The following ABCD4 variants were observed in gnomAD, a reference collection of about 807,000 sequenced individuals.
The protein encoded by ABCD4 is lysosomal cobalamin transporter ABCD4.
A neutral mutation model predicts 86.3 loss-of-function variants in ABCD4; 53 were observed. The ratio of observed to expected loss-of-function variants is 0.61; its 90% CI spans 0.49 to 0.77. The LOEUF (loss-of-function observed/expected upper bound fraction) is 0.77, where lower values mean the gene tolerates loss of function less well. ABCD4 is among the 30% of genes least tolerant of loss of function. ABCD4 has a pLI of 0.00. For synonymous variants in ABCD4, 328 were observed against 313.6 expected (o/e 1.05, Z -0.49); for missense variants, 757 against 764.5 (o/e 0.99, Z 0.12).
chr14:74,288,513 G>A, intron 15 of ABCD4: 3 of 672,464 alleles, frequency 4.5e-6, no homozygotes, highest in South Asian at 1.9e-5. Flanking sequence ...TCCTATTCTT[G>A]TTTTAAAATT....
intron 7 of ABCD4, chr14:74,294,211 C>T (rs1269437923): frequency 6.7e-6 from 1 of 150,032 alleles, no homozygotes; most frequent in Non-Finnish European, 1.5e-5. Flanking sequence ...CGCCACCATG[C>T]TCAGCTAATT....
At position 74,287,829 on chromosome 14, in the gene ABCD4, G is replaced by A; in HGVS notation, c.1617C>T (p.Tyr539=). Residue 539 remains tyrosine (Y), a synonymous_variant, in exon 17 of 19, where the codon TAC becomes TAT. Transcript: ENST00000356924. ...MQRLSFARLF[Y]LQPKYAVLDE... is the part of the protein sequence containing the mutation. Reference sequence around the variant, plus strand: ...CCTCACCTGCGTACTTCGGCTGCAGGTAGAAGAGTCGGGCAAAGGAGAGCC... The same window carrying A: ...CCTCACCTGCGTACTTCGGCTGCAGATAGAAGAGTCGGGCAAAGGAGAGCC... 1.9e-6 allele frequency: 3 copies of A among 1,612,878 alleles called. No homozygotes were observed. Among genetic ancestry groups the A allele is most frequent in the Non-Finnish European group, 2.5e-6 (3 of 1,179,442 alleles).
intron 7 of ABCD4, chr14:74,294,924 G>C: frequency 1.7e-6 from 1 of 585,970 alleles, no homozygotes; most frequent in Non-Finnish European, 3.0e-6. Flanking sequence ...AGGCCACTAA[G>C]ACTAAAGCTG....
intron 13 of ABCD4, 34 bp downstream of exon 13, chr14:74,289,993 G>C: frequency 1.2e-6 from 2 of 1,613,816 alleles, no homozygotes; most frequent in Non-Finnish European, 1.7e-6. Context: ...GCGGGGTTGA[G>C]GAGGGAGGAG....
intron 5 of ABCD4, 150 bp from the exon 6 acceptor site, chr14:74,296,129 G>A: frequency 8.1e-7 from 1 of 1,231,916 alleles, no homozygotes; most frequent in Non-Finnish European, 1.1e-6. Flanking sequence ...GGGGCATCTG[G>A]TATGAGCTCT....
intron 7 of ABCD4, 147 bp downstream of exon 7, chr14:74,295,001 A>AG (rs1281380104): frequency 1.1e-6 from 1 of 913,796 alleles, no homozygotes. Context: ...AGGCAAGGGC[A>AG]GGGGGAGGTA....
At position 74,290,284 on chromosome 14, in the gene ABCD4, C is replaced by T. The variant is rs2081132167; in HGVS notation, c.1327+7G>A. On this transcript the variant is annotated splice_region_variant and intron_variant, in intron 12 of 18. Coordinates refer to ENST00000356924, the MANE Select transcript of ABCD4 (RefSeq NM_005050.4). ...TGGGTCAGAGGCAGGGAGGGCCTGG[C>T]TCTCACCCCGTGTACTCGTCCAGAG... is the stretch of plus-strand genomic sequence containing the variant. The T allele has an allele frequency of 2.5e-6, 4 of 1,614,168 alleles. No homozygotes were observed. The highest frequency in any genetic ancestry group is 1.1e-5 in the South Asian group (1 of 91,080).
chr14:74,287,566 A>AAAAAAAAAG (rs1555392703), intron 17 of ABCD4, among the ~76,000 whole-genome samples: 1 of 148,222 alleles, frequency 6.7e-6, no homozygotes, highest in Non-Finnish European at 1.5e-5. Context: ...AAAAAAAAAA[A>AAAAAAAAAG]AAAAGAAAAG....
rs1280381035 is a variant in ABCD4 at position 74,286,255 on chromosome 14, T to C, written c.*206A>G. On this transcript the variant is annotated 3_prime_UTR_variant, in exon 19 of 19. Coordinates refer to ENST00000356924, the MANE Select transcript of ABCD4 (RefSeq NM_005050.4). ...CTGAGGCAGCAGAGTCCTGGGAGAC[T>C]GAACACTGGGAGATTCAGTGTCCCC... 2 of 576,420 alleles carry C rather than the reference T, an allele frequency of 3.5e-6. No individual in the cohort carries two copies. Among genetic ancestry groups the C allele is most frequent in the East Asian group, 5.8e-5 (2 of 34,230 alleles). The allele number at this position is 576,420 out of a possible 1,614,324, so 35.7% of individuals were successfully genotyped here.
intron 8 of ABCD4, 136 bp downstream of exon 8, chr14:74,293,018 G>GC (rs71449186): frequency 2.1e-5 from 31 of 1,452,238 alleles, no homozygotes; most frequent in South Asian, 3.8e-5. Flanking sequence ...AAAGGCAACA[G>GC]CCCCCCCTCC....
intron 5 of ABCD4, 94 bp from the exon 6 acceptor site, chr14:74,296,073 C>T: frequency 6.7e-7 from 1 of 1,491,988 alleles, no homozygotes; most frequent in Non-Finnish European, 9.0e-7. Flanking sequence ...TCTCAGGTAG[C>T]CCCTGTCCAA....
intron 4 of ABCD4, 176 bp downstream of exon 4, chr14:74,297,754 G>C (rs1450648054): frequency 7.4e-7 from 1 of 1,353,682 alleles, no homozygotes; most frequent in Non-Finnish European, 9.5e-7. Context: ...CCTATTCACA[G>C]CCCTGCAGCT....
rs1274626466 is a variant in ABCD4, at chr14:74,290,540, G to T, written c.1119-41C>A. Reference sequence around the variant, plus strand: ...GAGGGGGCGTGAGGAAGATGGGCAGGGTCAGTATTGCTGTGGGGGAGGCAC... The same window carrying T: ...GAGGGGGCGTGAGGAAGATGGGCAGTGTCAGTATTGCTGTGGGGGAGGCAC... On this transcript the variant is annotated intron_variant, in intron 11 of 18. Coordinates refer to ENST00000356924, the MANE Select transcript of ABCD4 (RefSeq NM_005050.4). 12 of 1,536,980 alleles carry T rather than the reference G, an allele frequency of 7.8e-6. No homozygotes were observed. The Admixed American group carries it at 1.8e-4, about 24-fold the overall frequency.
chr14:74,293,118 C>T (rs764444505), intron 8 of ABCD4, 36 bp downstream of exon 8: 2 of 1,600,682 alleles, frequency 1.2e-6, no homozygotes, highest in Non-Finnish European at 1.7e-6. Flanking sequence ...CCAGTCCAAC[C>T]CCATGGTTCC....
At chr14:74,297,839 C>T in intron 4 of ABCD4, 91 bp downstream of exon 4, 1 of 1,495,452 alleles carries the variant, frequency 6.7e-7, no homozygotes, top group Non-Finnish European at 8.9e-7. Context: ...TGCAGATGAT[C>T]TCCTTGGTGT....
chr14:74,291,377 A>G (rs550353130), intron 11 of ABCD4, among the ~76,000 whole-genome samples: 2 of 152,316 alleles, frequency 1.3e-5, no homozygotes, highest in South Asian at 4.2e-4. Flanking sequence ...ATCATCACAG[A>G]TGAGGACACT....
intron 11 of ABCD4, among the ~76,000 whole-genome samples, chr14:74,291,001 T>C (rs909700111): frequency 6.6e-6 from 1 of 152,094 alleles, no homozygotes; most frequent in African/African-American, 2.4e-5. Context: ...GAGATGATGT[T>C]AACATGAAGT....
chr14:74,290,310 G>A lies in ABCD4; in HGVS notation c.1308C>T (p.Gly436=), dbSNP rs2081142934. The change falls in exon 12 of 19, where the codon GGC becomes GGT. Residue 436 remains glycine, a synonymous_variant. Transcript: ENST00000356924. ...GKTSLLRVLG[G]LWTSTRGSVQ... ...TCTCACCCCGTGTACTCGTCCAGAGGCCACCCAGAACCCGGAGCAAGGAGG... is the reference window on the plus strand; with the variant it reads ...TCTCACCCCGTGTACTCGTCCAGAGACCACCCAGAACCCGGAGCAAGGAGG... 2 of 1,614,220 alleles carry A rather than the reference G, an allele frequency of 1.2e-6. No homozygotes were observed. The highest frequency in any genetic ancestry group is 1.7e-6 in the Non-Finnish European group (2 of 1,180,042).
At position 74,290,360 on chromosome 14, in the gene ABCD4, T is replaced by C; in HGVS notation, c.1258A>G (p.Thr420Ala). The change falls in exon 12 of 19, where the codon ACA (threonine) becomes GCA (alanine). Residue 420 changes from threonine (T) to alanine (A), a missense_variant. Transcript: ENST00000356924. ...GTCTTGCCAGTGCCCGTGTTGCCTG[T>C]GATGAGCAGGCTCTGTCCCTCGGAG... ...KISEGQSLLI[T>A]GNTGTGKTSL... The C allele has an allele frequency of 6.2e-7, 1 of 1,614,058 alleles. No individual in the cohort carries two copies. The highest frequency in any genetic ancestry group is 8.5e-7 in the Non-Finnish European group (1 of 1,180,012).
Sources: gnomAD v4.1 joint callset for allele counts (sites outside exome capture counted in the v4.1 genomes callset) on GRCh38, gnomAD v4.1.1 for gene constraint, MANE v1.5 for transcripts, NCBI Gene and HGNC (gene_info 2026-07-23, HGNC 2026-07-21) for gene names.